Variants in AK9 observed in about 807,000 individuals in gnomAD.
AK9 encodes adenylate kinase 9.
Under a neutral mutation model 239.6 loss-of-function variants are expected in AK9, and 191 were observed. That is an observed-to-expected ratio of 0.80 (90% CI 0.71 to 0.90). The LOEUF is 0.90. AK9 is among the 40% of genes least tolerant of loss of function. The pLI, the probability that AK9 is intolerant of heterozygous loss-of-function variation, is 0.00. For synonymous variants in AK9, 689 were observed against 721.0 expected (o/e 0.96, Z 0.71); for missense variants, 1,995 against 2,214.7 (o/e 0.90, Z 1.99).
At position 109,563,461 on chromosome 6, in the gene AK9, G is replaced by A. The variant is rs972915642; in HGVS notation, c.2751+136C>T. 27 of 1,321,154 alleles carry A rather than the reference G, an allele frequency of 2.0e-5. No homozygotes were observed. In the Middle Eastern group the frequency reaches 7.9e-4, roughly 39 times the overall value. The allele number at this position is 1,321,154 out of a possible 1,614,324, so 81.8% of individuals were successfully genotyped here. ...TGGAATTTCAGGGGGGTCAAGTGAA[G>A]CTGAGGCAGAGGGAGAATGTGTGTG... On this transcript the variant is annotated intron_variant, in intron 24 of 40. Transcript: ENST00000424296.
intron 12 of AK9, among the ~76,000 whole-genome samples, chr6:109,629,927 G>C (rs1048649153): frequency 6.6e-6 from 1 of 152,138 alleles, no homozygotes; most frequent in African/African-American, 2.4e-5. Context: ...GCCACCGGGA[G>C]ATATGTGTGG....
At chr6:109,643,226 T>C (rs1191328142) in intron 9 of AK9, among the ~76,000 whole-genome samples, 1 of 152,216 alleles carries the variant, frequency 6.6e-6, no homozygotes, top group Non-Finnish European at 1.5e-5. Flanking sequence ...GGTCATGAGA[T>C]CACAGGTGAT....
intron 8 of AK9, among the ~76,000 whole-genome samples, chr6:109,650,945 A>G (rs1798840424): frequency 6.6e-6 from 1 of 152,166 alleles, no homozygotes; most frequent in African/African-American, 2.4e-5. Flanking sequence ...CATGGATGAA[A>G]CTGGAAACCA....
intron 27 of AK9, among the ~76,000 whole-genome samples, chr6:109,538,177 G>A (rs910683356): frequency 6.6e-5 from 10 of 152,116 alleles, no homozygotes; most frequent in African/African-American, 1.7e-4. Flanking sequence ...TTTCTGTCTC[G>A]TTGATCTGTC....
rs1452527674 is a variant in AK9 at position 109,506,465 on chromosome 6, G to T, written c.4711C>A (p.Gln1571Lys). ...TTCTGATGCTGTTCTTGATAATATT[G>T]CCTAATCTCACCAATATTTTTGCGA... ...KYRKNIGEIRQYYQEQHQNWY... is the reference protein window; with the variant it reads ...KYRKNIGEIRKYYQEQHQNWY... Residue 1571 changes from glutamine (Q) to lysine (K), a missense_variant, in exon 35 of 41, where the codon CAA (glutamine) becomes AAA (lysine). By Grantham distance (53) the Gln-to-Lys change is moderately conservative. This residue lies in a region of AK9 where 391 missense variants were observed against 456.0 expected (regional missense o/e 0.86). Coordinates refer to ENST00000424296, the MANE Select transcript of AK9 (RefSeq NM_001145128.3). 1.2e-6 allele frequency: 2 copies of T among 1,613,458 alleles called. No homozygotes were observed. Among genetic ancestry groups the T allele is most frequent in the Non-Finnish European group, 1.7e-6 (2 of 1,179,846 alleles).
chr6:109,601,291 G>C (rs1791918339), intron 17 of AK9, among the ~76,000 whole-genome samples: 1 of 152,104 alleles, frequency 6.6e-6, no homozygotes, highest in Admixed American at 6.5e-5. Flanking sequence ...TGTTCTTGTT[G>C]GTTTCAAAGA....
intron 20 of AK9, 55 bp from the exon 21 acceptor site, chr6:109,573,649 T>A: frequency 6.7e-7 from 1 of 1,487,134 alleles, no homozygotes; most frequent in South Asian, 1.3e-5. Context: ...CAAATATTTA[T>A]TGGGTGTTGA....
At chr6:109,612,317 C>G (rs1006614134) in intron 15 of AK9, among the ~76,000 whole-genome samples, 1 of 152,056 alleles carries the variant, frequency 6.6e-6, no homozygotes, top group African/African-American at 2.4e-5. Flanking sequence ...GCCAATGGAT[C>G]TAAATAGAAA....
At chr6:109,633,880 T>C (rs1257595177) in intron 10 of AK9, among the ~76,000 whole-genome samples, 1 of 152,226 alleles carries the variant, frequency 6.6e-6, no homozygotes, top group Non-Finnish European at 1.5e-5. Context: ...AATACTTTTC[T>C]ACAGACTGCA....
chr6:109,555,944 A>G (rs557454782), intron 24 of AK9, among the ~76,000 whole-genome samples: 1 of 151,914 alleles, frequency 6.6e-6, no homozygotes, highest in Non-Finnish European at 1.5e-5. Flanking sequence ...ATACCAATAG[A>G]TCGTGGTTCT....
chr6:109,531,366 G>T (rs1299664507), intron 28 of AK9, among the ~76,000 whole-genome samples: 3 of 151,970 alleles, frequency 2.0e-5, no homozygotes, highest in Admixed American at 2.0e-4. Flanking sequence ...AGGAAAGGAA[G>T]GGGCAAATGC....
chr6:109,641,326 C>A (rs117576820), intron 10 of AK9, among the ~76,000 whole-genome samples, 192 bp downstream of exon 10: 6,238 of 147,962 alleles, frequency 0.042, 168 homozygotes, highest in South Asian at 0.089. Flanking sequence ...TACCACCACA[C>A]CTGGCTAATT....
rs577816780 is a variant in AK9, at chr6:109,637,296, C to T, written c.934-3973G>A. On this transcript the variant is annotated intron_variant, in intron 10 of 40. Transcript: ENST00000424296. Reference sequence around the variant, plus strand: ...TCTTTACATATTCTGCATAGTAATCCCTATCAGATATGTGATTTTCAAATA... The same window carrying T: ...TCTTTACATATTCTGCATAGTAATCTCTATCAGATATGTGATTTTCAAATA... 3.3e-5 allele frequency among the ~76,000 whole-genome samples: 5 copies of T among 152,076 alleles called. No homozygotes were observed. The South Asian group carries it at 6.2e-4, about 19-fold the overall frequency.
intron 18 of AK9, among the ~76,000 whole-genome samples, chr6:109,585,705 G>A (rs1789421028): frequency 1.3e-5 from 2 of 151,964 alleles, no homozygotes; most frequent in African/African-American, 2.4e-5. Flanking sequence ...AAATTACAAC[G>A]GCCAGCTAGA....
rs574294067 is a variant in AK9, at chr6:109,586,329, T to C, written c.1843-257A>G. Among the ~76,000 whole-genome samples the C allele has an allele frequency of 1.8e-3, 272 of 152,244 alleles. 1 individual carries two copies. Among genetic ancestry groups the C allele is most frequent in the South Asian group, 3.5e-3 (17 of 4,826 alleles). On this transcript the variant is annotated intron_variant, in intron 17 of 40. Transcript: ENST00000424296. ...TACACAGGAGGCTGAGGCAGGAGGA[T>C]TGCTTGAGCCCAGGTGTTTGAGGTT...
At chr6:109,618,962 A>G (rs1274768987) in intron 13 of AK9, 130 bp downstream of exon 13, 2 of 1,022,990 alleles carry the variant, frequency 2.0e-6, no homozygotes, top group Non-Finnish European at 2.7e-6. Context: ...TTCTTCAACC[A>G]TTTGTTAAGA....
intron 12 of AK9, among the ~76,000 whole-genome samples, chr6:109,624,917 T>TAAC (rs1795332370): frequency 6.6e-6 from 1 of 152,158 alleles, no homozygotes; most frequent in Non-Finnish European, 1.5e-5. Flanking sequence ...ACCTAAAAGG[T>TAAC]AACTTTAATT....
intron 7 of AK9, among the ~76,000 whole-genome samples, chr6:109,658,655 A>T (rs558435410): frequency 2.3e-4 from 35 of 152,264 alleles, no homozygotes; most frequent in African/African-American, 6.5e-4. Context: ...TTGAAATAAA[A>T]TTTTTTGATA....
chr6:109,514,569 A>G, intron 31 of AK9, 132 bp from the exon 32 acceptor site: 1 of 771,032 alleles, frequency 1.3e-6, no homozygotes, highest in Non-Finnish European at 2.0e-6. Context: ...ACTAATTATA[A>G]TCAAAGGTTA....
Sources: gnomAD v4.1 joint callset for allele counts (sites outside exome capture counted in the v4.1 genomes callset) on GRCh38, gnomAD v4.1.1 for gene constraint, gnomAD v4.1.1 regional missense constraint, MANE v1.5 for transcripts, NCBI Gene and HGNC (gene_info 2026-07-23, HGNC 2026-07-21) for gene names.